ARHGAP15: variants seen among roughly 807,000 people sequenced by gnomAD.
ARHGAP15 encodes the protein Rho GTPase activating protein 15, also known as rho GTPase-activating protein 15.
A neutral mutation model predicts 63.7 loss-of-function variants in ARHGAP15; 51 were observed. The observed-to-expected ratio is 0.80, with a 90% confidence interval of 0.64 to 1.01. ARHGAP15 has a LOEUF of 1.01. Among genes scored for constraint, ARHGAP15 ranks in the 50% least tolerant of loss-of-function variants. The pLI is 0.00. For synonymous variants in ARHGAP15, 191 were observed against 193.8 expected, an observed-to-expected ratio of 0.99 and a Z score of 0.12; for missense variants, 560 against 564.6, an observed-to-expected ratio of 0.99 and a Z score of 0.08.
chr2:143,396,189 TTA>T (rs1305152770), intron 6 of ARHGAP15, among the ~76,000 whole-genome samples: 5 of 152,178 alleles, frequency 3.3e-5, no homozygotes, highest in Non-Finnish European at 7.3e-5. Context: ...TTCTGTGTTT[TTA>T]GTTTTTTTTC....
At chr2:143,348,452 A>G (rs989238658) in intron 6 of ARHGAP15, among the ~76,000 whole-genome samples, 1 of 152,044 alleles carries the variant, frequency 6.6e-6, no homozygotes, top group East Asian at 1.9e-4. Context: ...GCACTTGCCT[A>G]TTTTCAGGAT....
intron 13 of ARHGAP15, among the ~76,000 whole-genome samples, chr2:143,749,463 T>C (rs1686289931): frequency 6.6e-6 from 1 of 152,230 alleles, no homozygotes; most frequent in African/African-American, 2.4e-5. Flanking sequence ...AGTCAGCATG[T>C]TCAAGATAGG....
chr2:143,324,587 A>G (rs1322895273), intron 6 of ARHGAP15, among the ~76,000 whole-genome samples: 2 of 152,214 alleles, frequency 1.3e-5, no homozygotes, highest in African/African-American at 4.8e-5. Flanking sequence ...TCTGTACTTG[A>G]ACGTACAGGG....
chr2:143,291,868 GAA>G (rs1198774099), intron 6 of ARHGAP15, among the ~76,000 whole-genome samples: 2 of 152,154 alleles, frequency 1.3e-5, no homozygotes, highest in Non-Finnish European at 1.5e-5. Flanking sequence ...AAGAATTCCG[GAA>G]TCTTTTAAGA....
intron 12 of ARHGAP15, among the ~76,000 whole-genome samples, chr2:143,636,878 C>G (rs928655123): frequency 3.3e-5 from 5 of 152,092 alleles, no homozygotes; most frequent in African/African-American, 4.8e-5. Context: ...TTATTTCTCA[C>G]AGTTCTGGAG....
At chr2:143,261,789 A>G (rs2105018015) in intron 6 of ARHGAP15, among the ~76,000 whole-genome samples, 1 of 152,372 alleles carries the variant, frequency 6.6e-6, no homozygotes, top group Admixed American at 6.5e-5. Flanking sequence ...ATTTGATTGA[A>G]GAAAGCAGAA....
chr2:143,387,121 C>T (rs1404653302), intron 6 of ARHGAP15, among the ~76,000 whole-genome samples: 3 of 151,998 alleles, frequency 2.0e-5, no homozygotes, highest in Admixed American at 2.0e-4. Flanking sequence ...ACTTGTGTAA[C>T]AAACTTGCAC....
At chr2:143,449,024 C>T (rs923348830) in intron 8 of ARHGAP15, among the ~76,000 whole-genome samples, 4 of 152,098 alleles carry the variant, frequency 2.6e-5, no homozygotes, top group African/African-American at 9.7e-5. Context: ...ATTGGTCATG[C>T]TATGACAATG....
chr2:143,486,560 C>T (rs1559003575), intron 8 of ARHGAP15, among the ~76,000 whole-genome samples: 1 of 152,094 alleles, frequency 6.6e-6, no homozygotes, highest in Non-Finnish European at 1.5e-5. Context: ...GAGCAAGACT[C>T]TGTCTAAAAA....
intron 9 of ARHGAP15, among the ~76,000 whole-genome samples, chr2:143,506,422 T>G (rs537385965): frequency 6.6e-6 from 1 of 152,076 alleles, no homozygotes; most frequent in Non-Finnish European, 1.5e-5. Flanking sequence ...CTTAGTCAAG[T>G]AAGTGACAAC....
intron 13 of ARHGAP15, among the ~76,000 whole-genome samples, chr2:143,763,938 C>G (rs1287087715): frequency 6.6e-6 from 1 of 151,020 alleles, no homozygotes; most frequent in Non-Finnish European, 1.5e-5. Flanking sequence ...CTACAAGTAA[C>G]TTGATTTTCC....
intron 11 of ARHGAP15, among the ~76,000 whole-genome samples, chr2:143,611,561 G>A (rs529241622): frequency 5.1e-4 from 77 of 151,432 alleles, no homozygotes; most frequent in South Asian, 4.4e-3. Flanking sequence ...TGGTCTTGTC[G>A]TCTTTGTTGT....
intron 12 of ARHGAP15, among the ~76,000 whole-genome samples, chr2:143,638,173 A>G (rs1202231378): frequency 2.0e-5 from 3 of 146,764 alleles, no homozygotes; most frequent in Non-Finnish European, 4.5e-5. Flanking sequence ...AGGACTATAA[A>G]TCATGCTGCT....
chr2:143,553,862 T>C (rs1361695868), intron 10 of ARHGAP15, among the ~76,000 whole-genome samples: 3 of 152,184 alleles, frequency 2.0e-5, no homozygotes, highest in Admixed American at 6.5e-5. Flanking sequence ...CAATAGCATA[T>C]AGAATAATAT....
chr2:143,413,966 T>TGTGTGTGTGTGTGTGTGTGTGCGCGCGC, intron 6 of ARHGAP15, among the ~76,000 whole-genome samples: 1 of 117,922 alleles, frequency 8.5e-6, no homozygotes, highest in African/African-American at 3.5e-5. Context: ...TGTGTGTGTG[T>TGTGTGTGTGTGTGTGTGTGTGCGCGCGC]GCGCGCTCTC....
intron 11 of ARHGAP15, chr2:143,587,842 G>C (rs1362975944): frequency 4.4e-6 from 2 of 449,900 alleles, no homozygotes; most frequent in Admixed American, 2.5e-5. Flanking sequence ...TAAGTTTTTT[G>C]AGATACAATC....
chr2:143,260,273 C>A (rs1680652646), intron 6 of ARHGAP15, among the ~76,000 whole-genome samples: 1 of 152,084 alleles, frequency 6.6e-6, no homozygotes, highest in South Asian at 2.1e-4. Flanking sequence ...AGTGTATTAA[C>A]TCATTCTTAA....
chr2:143,474,032 T>C (rs190224306), intron 8 of ARHGAP15, among the ~76,000 whole-genome samples: 8 of 152,284 alleles, frequency 5.3e-5, no homozygotes, highest in Admixed American at 1.3e-4. Flanking sequence ...AAATGAATTT[T>C]CCCATCCATA....
rs185358015 is a variant in ARHGAP15, at chr2:143,546,007, T to C, written c.926-10401T>C. Among the ~76,000 whole-genome samples, 3 of 152,334 alleles carry C rather than the reference T, an allele frequency of 2.0e-5. No homozygotes were observed. The East Asian group carries it at 5.8e-4, about 29-fold the overall frequency. Reference sequence around the variant, plus strand: ...TTTTGCTGAAAGGCTAGAACAGCTTTGTTTCTGATCCCTTGATGAGTGAGA... The same window carrying C: ...TTTTGCTGAAAGGCTAGAACAGCTTCGTTTCTGATCCCTTGATGAGTGAGA... On this transcript the variant is annotated intron_variant, in intron 10 of 13. Coordinates refer to ENST00000295095, the MANE Select transcript of ARHGAP15 (RefSeq NM_018460.4).
Sources: gnomAD v4.1 joint callset for allele counts (sites outside exome capture counted in the v4.1 genomes callset) on GRCh38, gnomAD v4.1.1 for gene constraint, MANE v1.5 for transcripts, NCBI Gene and HGNC (gene_info 2026-07-23, HGNC 2026-07-21) for gene names.